Variants in SYNE3 observed in about 807,000 individuals in gnomAD.
SYNE3 encodes the protein nesprin-3.
SYNE3 carries 100 observed loss-of-function variants against 111.2 expected under a neutral mutation model. That is an observed-to-expected ratio of 0.90 (90% CI 0.77 to 1.06). SYNE3 has a LOEUF of 1.06. Ranked by LOEUF, SYNE3 falls within the 50% of genes least tolerant of loss-of-function variation. The pLI, the probability that SYNE3 is intolerant of heterozygous loss-of-function variation, is 0.00. For missense variants in SYNE3, 1,160 were observed against 1,240.3 expected (o/e 0.94, Z 0.97); for synonymous variants, 547 against 533.9 (o/e 1.02, Z -0.34).
At chr14:95,445,222 T>C (rs1319234798) in intron 9 of SYNE3, among the ~76,000 whole-genome samples, 1 of 152,210 alleles carries the variant, frequency 6.6e-6, no homozygotes, top group Non-Finnish European at 1.5e-5. Context: ...GCACGGGAGC[T>C]GAAATCATGG....
chr14:95,429,865 T>A, intron 17 of SYNE3: 1 of 896,086 alleles, frequency 1.1e-6, no homozygotes, highest in Non-Finnish European at 1.3e-6. Context: ...CAGCTGGACA[T>A]GTGCGCTCTG....
chr14:95,457,402 A>G, intron 4 of SYNE3, 64 bp from the exon 5 acceptor site: 1 of 1,574,102 alleles, frequency 6.4e-7, no homozygotes, highest in Non-Finnish European at 8.6e-7. Flanking sequence ...AAGGCCAGAA[A>G]GCCCGTAGCC....
chr14:95,422,746 C>T (rs1885198525), intron 17 of SYNE3, among the ~76,000 whole-genome samples: 1 of 152,220 alleles, frequency 6.6e-6, no homozygotes, highest in South Asian at 2.1e-4. Flanking sequence ...GGAGGGTGCG[C>T]CCGCCCCACT....
In SYNE3 at chr14:95,407,966, T is replaced by G. The variant is rs977217117; in HGVS notation, c.*9860A>C. 1.3e-5 allele frequency: 2 copies of G among 152,172 alleles called. No homozygotes were observed. Among genetic ancestry groups the G allele is most frequent in the Non-Finnish European group, 2.9e-5 (2 of 68,030 alleles). The allele number at this position is 152,172 out of a possible 1,614,324, so 9.4% of individuals were successfully genotyped here. The stretch of plus-strand genomic sequence containing the variant: ...GTGAACTTGTTTATGAGAACCTCGT[T>G]TATGCAGAGGTTGGACTCAAGGCGA... On this transcript the variant is annotated 3_prime_UTR_variant, in exon 18 of 18. Coordinates refer to ENST00000682763, the MANE Select transcript of SYNE3 (RefSeq NM_152592.6).
chr14:95,456,507 G>A (rs1254472233), intron 5 of SYNE3, among the ~76,000 whole-genome samples: 5 of 152,202 alleles, frequency 3.3e-5, no homozygotes, highest in Non-Finnish European at 1.5e-5. Context: ...GCCACCCAGA[G>A]GCAGTAGCAA....
chr14:95,482,336 A>G (rs1227525405), intron 1 of SYNE3, among the ~76,000 whole-genome samples: 1 of 152,232 alleles, frequency 6.6e-6, no homozygotes. Context: ...TGGGAGGCTG[A>G]GGCAGGAGAA....
intron 4 of SYNE3, among the ~76,000 whole-genome samples, chr14:95,464,365 G>T (rs1401789741): frequency 1.3e-5 from 2 of 152,184 alleles, no homozygotes; most frequent in Non-Finnish European, 2.9e-5. Context: ...AGTAAGAAGT[G>T]AGACTTTGGG....
At chr14:95,466,279 C>T (rs1888170063) in intron 3 of SYNE3, 39 bp from the exon 4 acceptor site, 2 of 1,525,692 alleles carry the variant, frequency 1.3e-6, no homozygotes, top group Admixed American at 1.9e-5. Flanking sequence ...AGGGAACCAG[C>T]CACCTGCCTC....
intron 15 of SYNE3, among the ~76,000 whole-genome samples, chr14:95,435,501 T>G (rs1169027064): frequency 5.3e-5 from 8 of 152,062 alleles, no homozygotes; most frequent in Non-Finnish European, 1.0e-4. Flanking sequence ...AGTAGTTACA[T>G]ATGTTTAAAT....
chr14:95,483,450 G>A (rs908633298), intron 1 of SYNE3, among the ~76,000 whole-genome samples: 2 of 152,058 alleles, frequency 1.3e-5, no homozygotes, highest in East Asian at 3.9e-4. Flanking sequence ...GCTCTCTTAT[G>A]CTTGGATGTT....
intron 1 of SYNE3, among the ~76,000 whole-genome samples, chr14:95,493,032 G>C (rs1047809486): frequency 2.0e-5 from 3 of 151,998 alleles, no homozygotes; most frequent in African/African-American, 7.3e-5. Context: ...CCCACCAAAG[G>C]CTGCCAAGAT....
chr14:95,474,556 C>A (rs537325062), intron 2 of SYNE3, among the ~76,000 whole-genome samples: 10 of 152,300 alleles, frequency 6.6e-5, no homozygotes, highest in African/African-American at 2.4e-4. Context: ...CAGGGCTCTG[C>A]AGGCACAGGA....
chr14:95,431,704 C>T (rs1187749), intron 17 of SYNE3, among the ~76,000 whole-genome samples: 112,573 of 152,124 alleles, frequency 0.74, 42,943 homozygotes, highest in Middle Eastern at 0.85. Flanking sequence ...CCAGTTTGCC[C>T]GCAACAACCC....
At position 95,409,383 on chromosome 14, in the gene SYNE3, T is replaced by C. The variant is rs576334847; in HGVS notation, c.*8443A>G. On this transcript the variant is annotated 3_prime_UTR_variant, in exon 18 of 18. Transcript: ENST00000682763. Reference sequence around the variant, plus strand: ...AACAGGAAGAGGGACTGTAGGACTTTGTCCCTCATCTCCACAGAGGTGCTG... The same window carrying C: ...AACAGGAAGAGGGACTGTAGGACTTCGTCCCTCATCTCCACAGAGGTGCTG... The C allele has an allele frequency of 1.1e-4, 52 of 456,756 alleles. No individual in the cohort carries two copies. The East Asian group carries it at 3.5e-3, about 31-fold the overall frequency. 28.3% of individuals were successfully genotyped at this position (456,756 alleles called of 1,614,324 possible). A position where few individuals can be genotyped will look rare whatever the true frequency, so the allele number is the denominator to read the frequency against.
intron 7 of SYNE3, chr14:95,451,616 TAGGAGCTCCCTTTGTTCATTCTGA>T (rs1476252773): frequency 6.6e-6 from 1 of 152,180 alleles, no homozygotes; most frequent in Non-Finnish European, 1.5e-5. Context: ...ACAGCAAAGG[TAGGAGCTCCCTTTGTTCATTCTGA>T]AGGAGCTCCC....
At chr14:95,513,737 T>TA (rs1480614847) in intron 1 of SYNE3, among the ~76,000 whole-genome samples, 1 of 92,506 alleles carries the variant, frequency 1.1e-5, no homozygotes, top group African/African-American at 4.7e-5. Context: ...GCTGCTTAGA[T>TA]TATATATATA....
At chr14:95,454,803 C>T (rs187333758) in intron 6 of SYNE3, among the ~76,000 whole-genome samples, 120 of 152,212 alleles carry the variant, frequency 7.9e-4, no homozygotes, top group Middle Eastern at 3.4e-3. Flanking sequence ...TGGGGAGGGC[C>T]GTTGCTTCTT....
chr14:95,451,357 T>G (rs1001582616), intron 7 of SYNE3: 3 of 152,194 alleles, frequency 2.0e-5, no homozygotes, highest in African/African-American at 7.2e-5. Flanking sequence ...CCCATTTAAT[T>G]TCTACGAATA....
chr14:95,435,953 A>C (rs1327918644), intron 15 of SYNE3, among the ~76,000 whole-genome samples: 1 of 152,226 alleles, frequency 6.6e-6, no homozygotes, highest in Admixed American at 6.5e-5. Context: ...AAGGCCAAAA[A>C]TGGTAAGTGC....
Sources: allele counts gnomAD v4.1 joint callset (sites outside exome capture counted in the v4.1 genomes callset), GRCh38; gene constraint gnomAD v4.1.1; transcripts MANE v1.5; gene names NCBI Gene and HGNC (gene_info 2026-07-23, HGNC 2026-07-21).